The following NAGPA variants were observed in gnomAD, a reference collection of about 807,000 sequenced individuals.
NAGPA encodes alpha-N-acetylglucosaminyl phosphodiesterase.
Under a neutral mutation model 48.5 loss-of-function variants are expected in NAGPA, and 56 were observed. That is an observed-to-expected ratio of 1.15 (90% CI 0.93 to 1.44). NAGPA has a LOEUF of 1.44. Among genes scored for constraint, NAGPA ranks in the 40% most tolerant of loss-of-function variants. The probability of loss-of-function intolerance (pLI) is 0.00; values close to 1 mark genes in which losing one functional copy is unlikely to be tolerated. For missense variants in NAGPA, 888 were observed against 735.0 expected (o/e 1.21, Z -2.41); for synonymous variants, 399 against 315.5 (o/e 1.26, Z -2.81).
chr16:5,030,172 G>T, intron 4 of NAGPA: 1 of 608,970 alleles, frequency 1.6e-6, no homozygotes, highest in South Asian at 1.9e-5. Flanking sequence ...TTCAGGAAAG[G>T]TGAGGCCTAA....
intron 4 of NAGPA, 127 bp downstream of exon 4, chr16:5,030,258 G>A: frequency 1.2e-6 from 1 of 853,728 alleles, no homozygotes; most frequent in Non-Finnish European, 1.9e-6. Context: ...GGGGGCCCTG[G>A]GAGGGGGGAC....
At chr16:5,028,365 G>A in intron 5 of NAGPA, 180 bp from the exon 6 acceptor site, 1 of 1,220,922 alleles carries the variant, frequency 8.2e-7, no homozygotes, top group Non-Finnish European at 1.2e-6. Context: ...CTCCTGAGCA[G>A]CTGTAACCGT....
Position 5,025,457 on chromosome 16 carries a change from C to G in NAGPA, c.*21G>C. 1 of 1,610,496 alleles carries G rather than the reference C, an allele frequency of 6.2e-7. No homozygotes were observed. Among genetic ancestry groups the G allele is most frequent in the Non-Finnish European group, 8.5e-7 (1 of 1,178,986 alleles). ...GGGGAAACAAGCTTTCGCGACGTGC[C>G]ACCCCGGGCAGCTTGAGGCTTCAGT... On this transcript the variant is annotated 3_prime_UTR_variant, in exon 10 of 10. Transcript: ENST00000312251.
chr16:5,027,365 A>T lies in NAGPA; in HGVS notation c.1189T>A (p.Trp397Arg). Residue 397 changes from tryptophan to arginine, a missense_variant, in exon 8 of 10, where the codon TGG becomes AGG. Trp to Arg is a moderately radical substitution (Grantham distance 101). Transcript: ENST00000312251. The stretch of plus-strand genomic sequence containing the variant: ...GGCCTCTGGCAGCCCGGCCCATGCC[A>T]GCCAAGGGGACACTCTATGGAAAGG... ...SNCSEECPLGWHGPGCQRPCK... is the reference protein window; with the variant it reads ...SNCSEECPLGRHGPGCQRPCK... 1 of 1,613,580 alleles carries T rather than the reference A, an allele frequency of 6.2e-7. No homozygotes were observed. Among genetic ancestry groups the T allele is most frequent in the Non-Finnish European group, 8.5e-7 (1 of 1,179,882 alleles).
rs997643115 is a variant in NAGPA at position 5,025,792 on chromosome 16, G to A, written c.1341-107C>T. ...CCCGGCATAGATAGCACTAAATCAG[G>A]TGCCTCCAGGGACCACACAGGGAAT... On this transcript the variant is annotated intron_variant, in intron 9 of 9. Transcript: ENST00000312251. The A allele has an allele frequency of 6.5e-5, 77 of 1,183,820 alleles. No individual in the cohort carries two copies. The African/African-American group carries it at 9.3e-4, about 14-fold the overall frequency. 73.3% of individuals were successfully genotyped at this position (1,183,820 alleles called of 1,614,324 possible).
intron 3 of NAGPA, 159 bp from the exon 4 acceptor site, chr16:5,030,652 C>A (rs1267519546): frequency 1.4e-6 from 1 of 704,706 alleles, no homozygotes. Flanking sequence ...ATCCCAGTCT[C>A]CCCAGGGCAG....
chr16:5,025,681 C>A lies in NAGPA; in HGVS notation c.1345G>T (p.Ala449Ser), dbSNP rs199604440. ...AGELSFFTRT[A>S]WLALTLALAF... ...AGCGCCAGGGTGAGGGCTAGCCAGG[C>A]GGTCCTGCAGACAGGAGAGAAGCCC... Residue 449 changes from alanine to serine, a missense_variant, in exon 10 of 10, where the codon GCC (alanine) becomes TCC (serine). Physicochemically the swap from Ala to Ser is moderately conservative, Grantham distance 99 (BLOSUM62 1). Transcript: ENST00000312251. The A allele has an allele frequency of 1.2e-6, 2 of 1,603,592 alleles. No homozygotes were observed. Among genetic ancestry groups the A allele is most frequent in the South Asian group, 1.1e-5 (1 of 90,094 alleles).
At chr16:5,026,858 G>A (rs1305495959) in intron 9 of NAGPA, among the ~76,000 whole-genome samples, 2 of 152,232 alleles carry the variant, frequency 1.3e-5, no homozygotes, top group Non-Finnish European at 2.9e-5. Flanking sequence ...CTGGGTGACA[G>A]AATGAGGAAA....
intron 2 of NAGPA, 39 bp from the exon 3 acceptor site, chr16:5,031,923 G>C (rs116103844): frequency 1.9e-6 from 3 of 1,613,586 alleles, no homozygotes; most frequent in Non-Finnish European, 2.5e-6. Flanking sequence ...TCACCAGCAG[G>C]GGCAACTGCA....
intron 9 of NAGPA, 69 bp downstream of exon 9, chr16:5,027,066 C>T: frequency 6.3e-7 from 1 of 1,578,880 alleles, no homozygotes; most frequent in Non-Finnish European, 8.7e-7. Context: ...ATGGACCTCA[C>T]AGGGGAAGGG....
chr16:5,032,574 G>A (rs536444589), intron 2 of NAGPA, among the ~76,000 whole-genome samples: 1 of 151,998 alleles, frequency 6.6e-6, no homozygotes, highest in South Asian at 2.1e-4. Flanking sequence ...AGCTACTCCA[G>A]AGGCTGAGGC....
intron 9 of NAGPA, 21 bp downstream of exon 9, chr16:5,027,114 A>G: frequency 6.2e-7 from 1 of 1,613,870 alleles, no homozygotes; most frequent in Non-Finnish European, 8.5e-7. Context: ...CCCTGGCCCC[A>G]GCTCCCACAG....
intron 3 of NAGPA, 21 bp downstream of exon 3, chr16:5,031,724 C>A: frequency 6.2e-7 from 1 of 1,614,016 alleles, no homozygotes; most frequent in Non-Finnish European, 8.5e-7. Context: ...AGGGTTGTTG[C>A]CAACAGCCTC....
intron 5 of NAGPA, 71 bp from the exon 6 acceptor site, chr16:5,028,256 C>A (rs1956039863): frequency 6.5e-7 from 1 of 1,548,030 alleles, no homozygotes; most frequent in Admixed American, 2.0e-5. Context: ...AGGCTGCCCC[C>A]AACCACCCCT....
intron 5 of NAGPA, chr16:5,028,604 G>A (rs1274029293): frequency 1.6e-5 from 9 of 562,248 alleles, no homozygotes; most frequent in Non-Finnish European, 2.9e-5. Context: ...CACATGTGGT[G>A]CCCTCTGCCC....
Position 5,033,109 on chromosome 16 carries a change from A to T in NAGPA, c.542+164T>A. On this transcript the variant is annotated intron_variant, in intron 2 of 9. Coordinates refer to ENST00000312251, the MANE Select transcript of NAGPA (RefSeq NM_016256.4). This position sits in a 1 kb window ranked among gnomAD's most constrained non-coding sequence, Gnocchi z 4.2. ...CTGATACAAGCAAGTGCTCAATGAT[A>T]CTGGATGATGAATAAACTCTGCAAG... 1 of 817,390 alleles carries T rather than the reference A, an allele frequency of 1.2e-6. No homozygotes were observed. The highest frequency in any genetic ancestry group is 1.9e-6 in the Non-Finnish European group (1 of 514,648). 50.6% of individuals were successfully genotyped at this position (817,390 alleles called of 1,614,324 possible). A position where few individuals can be genotyped will look rare whatever the true frequency, so the allele number is the denominator to read the frequency against.
intron 5 of NAGPA, chr16:5,028,494 C>T (rs905502442): frequency 1.6e-6 from 1 of 633,764 alleles, no homozygotes; most frequent in South Asian, 1.5e-5. Flanking sequence ...CTCGGCCTCC[C>T]AAAGCACTGG....
At position 5,025,269 on chromosome 16, in the gene NAGPA, C is replaced by T. The variant is rs1343685269; in HGVS notation, c.*209G>A. 3 of 638,184 alleles carry T rather than the reference C, an allele frequency of 4.7e-6. No individual in the cohort carries two copies. The highest frequency in any genetic ancestry group is 5.6e-5 in the Admixed American group (2 of 35,916). The allele number at this position is 638,184 out of a possible 1,614,324, so 39.5% of individuals were successfully genotyped here. A position where few individuals can be genotyped will look rare whatever the true frequency, so the allele number is the denominator to read the frequency against. On this transcript the variant is annotated 3_prime_UTR_variant, in exon 10 of 10. Transcript: ENST00000312251. ...CCAGAAGCAGGCAGCTGAGCCTCTC[C>T]AGCGAGCATGGTATTGCTAGGGTTG...
In NAGPA at chr16:5,028,148, T is replaced by C. The variant is rs1450647488; in HGVS notation, c.958A>G (p.Thr320Ala). The change falls in exon 6 of 10, where the codon ACC (threonine) becomes GCC (alanine). Residue 320 changes from threonine to alanine, a missense_variant. Thr to Ala is a moderately conservative substitution (Grantham distance 58, BLOSUM62 0). Transcript: ENST00000312251. The stretch of plus-strand genomic sequence containing the variant: ...CGGGGTTCGTGCACACACACCACGG[T>C]GGACACTTGGCGGGGACAGCGCCAC... ...NMWRCPRQVS[T>A]VVCVHEPRCQ... 7 of 1,586,934 alleles carry C rather than the reference T, an allele frequency of 4.4e-6. No homozygotes were observed. Among genetic ancestry groups the C allele is most frequent in the Non-Finnish European group, 6.0e-6 (7 of 1,166,548 alleles).
Sources: gnomAD v4.1 joint callset for allele counts (sites outside exome capture counted in the v4.1 genomes callset) on GRCh38, gnomAD v4.1.1 for gene constraint, Gnocchi (gnomAD v3.1) non-coding constraint, MANE v1.5 for transcripts, NCBI Gene and HGNC (gene_info 2026-07-23, HGNC 2026-07-21) for gene names.